CNTN1: variants seen among roughly 807,000 people sequenced by gnomAD.
CNTN1 encodes the protein contactin 1.
In CNTN1, 38 loss-of-function variants were observed where a neutral mutation model predicts 126.4. That is an observed-to-expected ratio of 0.30 (90% confidence interval 0.23 to 0.39). CNTN1 has a LOEUF of 0.39. Ranked by LOEUF, CNTN1 falls within the 10% of genes least tolerant of loss-of-function variation. The pLI is 1.00. For missense variants in CNTN1, 1,009 were observed against 1,248.4 expected (o/e 0.81, Z 2.89); for synonymous variants, 413 against 422.6 (o/e 0.98, Z 0.28).
chr12:40,810,942 A>G (rs1186691587), intron 1 of CNTN1, among the ~76,000 whole-genome samples: 1 of 152,204 alleles, frequency 6.6e-6, no homozygotes, highest in Admixed American at 6.5e-5. Flanking sequence ...GTTTGAGGTT[A>G]CAATCAGCTA....
intron 1 of CNTN1, among the ~76,000 whole-genome samples, chr12:40,741,982 A>G (rs1937962717): frequency 1.3e-5 from 2 of 151,990 alleles, no homozygotes; most frequent in Non-Finnish European, 2.9e-5. Flanking sequence ...GTAGGGGGAA[A>G]AAGTCTAAGC....
chr12:40,908,793 G>A (rs917772110), intron 2 of CNTN1, among the ~76,000 whole-genome samples: 14 of 152,050 alleles, frequency 9.2e-5, no homozygotes, highest in Non-Finnish European at 1.6e-4. Context: ...ACCATGGCCA[G>A]TTTCAACCTG....
At chr12:40,697,059 G>A (rs1276621499) in intron 1 of CNTN1, among the ~76,000 whole-genome samples, 1 of 152,012 alleles carries the variant, frequency 6.6e-6, no homozygotes, top group Non-Finnish European at 1.5e-5. Flanking sequence ...ATTGTTTTCA[G>A]TTTTGCATCG....
intron 12 of CNTN1, 132 bp downstream of exon 12, chr12:40,939,617 T>C: frequency 1.1e-6 from 1 of 929,620 alleles, no homozygotes; most frequent in Non-Finnish European, 1.7e-6. Flanking sequence ...GATCCTGTAG[T>C]TCTAAGATGG....
chr12:41,059,394 A>G (rs1044841982), intron 23 of CNTN1, among the ~76,000 whole-genome samples: 7 of 152,142 alleles, frequency 4.6e-5, no homozygotes, highest in African/African-American at 1.7e-4. Flanking sequence ...ATTGGCTGTC[A>G]TTGCTATTGA....
rs1948774700 is a variant in CNTN1, at chr12:41,016,137, C to A, written c.2185-545C>A. Among the ~76,000 whole-genome samples the A allele has an allele frequency of 2.0e-5, 3 of 151,448 alleles. No homozygotes were observed. In the South Asian group the frequency reaches 6.3e-4, roughly 32 times the overall value. On this transcript the variant is annotated intron_variant, in intron 18 of 23. Transcript: ENST00000551295. ...CCCTTTAATACATATTACTTGAAGC[C>A]CTGTTCTAGGTGCTAGGGATAAAGA...
chr12:40,983,026 C>G (rs756237355), intron 16 of CNTN1, among the ~76,000 whole-genome samples: 5 of 151,810 alleles, frequency 3.3e-5, no homozygotes, highest in Non-Finnish European at 7.4e-5. Flanking sequence ...ACCAACATGG[C>G]ACATGTATAC....
At chr12:40,825,178 A>G (rs1284090106) in intron 1 of CNTN1, among the ~76,000 whole-genome samples, 1 of 152,172 alleles carries the variant, frequency 6.6e-6, no homozygotes, top group Non-Finnish European at 1.5e-5. Context: ...TATTGGTAGG[A>G]CACAGAGAGA....
intron 17 of CNTN1, among the ~76,000 whole-genome samples, chr12:40,996,391 CAA>C (rs984586369): frequency 6.6e-5 from 10 of 152,264 alleles, no homozygotes; most frequent in African/African-American, 2.4e-4. Flanking sequence ...CTTGGCCTCC[CAA>C]AGTGTTGGGA....
intron 1 of CNTN1, among the ~76,000 whole-genome samples, chr12:40,697,884 A>G (rs1941489980): frequency 6.6e-6 from 1 of 152,208 alleles, no homozygotes; most frequent in East Asian, 1.9e-4. Context: ...GAAGATATTA[A>G]TGGCCAGGTT....
chr12:40,879,765 A>T (rs1200603555), intron 1 of CNTN1, among the ~76,000 whole-genome samples: 1 of 152,142 alleles, frequency 6.6e-6, no homozygotes, highest in Non-Finnish European at 1.5e-5. Context: ...TCACAGAGAC[A>T]CGTAAATTCT....
intron 1 of CNTN1, among the ~76,000 whole-genome samples, chr12:40,906,202 T>C (rs1485923687): frequency 4.0e-5 from 6 of 151,792 alleles, no homozygotes; most frequent in Non-Finnish European, 8.8e-5. Context: ...ACCCAGGAGG[T>C]GGAGCTTGCA....
chr12:40,692,801 G>C (rs1292693226), intron 1 of CNTN1, among the ~76,000 whole-genome samples: 1 of 152,210 alleles, frequency 6.6e-6, no homozygotes, highest in East Asian at 1.9e-4. Flanking sequence ...GAGCCCTGGG[G>C]TGCCGGGCAA....
chr12:40,866,817 C>A (rs1943314813), intron 1 of CNTN1, among the ~76,000 whole-genome samples: 1 of 152,108 alleles, frequency 6.6e-6, no homozygotes, highest in African/African-American at 2.4e-5. Context: ...AACATCATAG[C>A]AACTCTGGAT....
intron 1 of CNTN1, among the ~76,000 whole-genome samples, chr12:40,865,584 C>T (rs1943268085): frequency 6.6e-6 from 1 of 151,912 alleles, no homozygotes; most frequent in Non-Finnish European, 1.5e-5. Flanking sequence ...GTTTCAGTAC[C>T]ATATACTCAT....
At chr12:40,991,710 C>A (rs2120491057) in intron 16 of CNTN1, among the ~76,000 whole-genome samples, 1 of 152,260 alleles carries the variant, frequency 6.6e-6, no homozygotes, top group Middle Eastern at 3.4e-3. Context: ...AGCCTGTAGT[C>A]CCAGCTACTC....
chr12:41,029,098 G>A lies in CNTN1; in HGVS notation c.2859G>A (p.Lys953=), dbSNP rs1164003045. The change falls in exon 23 of 24, where the codon AAG becomes AAA. Residue 953 remains lysine, a synonymous_variant. Transcript: ENST00000551295. ...GACCTGATGGCCAGCATGATGGCAA[G>A]CTGTATTCAACTCACAAACACTCCA... ...LYRPDGQHDG[K]LYSTHKHSIE... The A allele has an allele frequency of 6.2e-7, 1 of 1,613,974 alleles. No homozygotes were observed. The highest frequency in any genetic ancestry group is 1.3e-5 in the African/African-American group (1 of 74,898).
intron 15 of CNTN1, among the ~76,000 whole-genome samples, chr12:40,970,829 T>G (rs1267152827): frequency 6.6e-6 from 1 of 152,208 alleles, no homozygotes; most frequent in East Asian, 1.9e-4. Context: ...TATTAATCAC[T>G]GTAAGCCTCA....
intron 20 of CNTN1, among the ~76,000 whole-genome samples, chr12:41,024,796 T>C (rs990158975): frequency 5.9e-5 from 9 of 152,202 alleles, no homozygotes; most frequent in Non-Finnish European, 1.2e-4. Context: ...AAATAAATGA[T>C]AAAAATTATA....
Sources: allele counts gnomAD v4.1 joint callset (sites outside exome capture counted in the v4.1 genomes callset), GRCh38; gene constraint gnomAD v4.1.1; transcripts MANE v1.5; gene names NCBI Gene and HGNC (gene_info 2026-07-23, HGNC 2026-07-21).